The following OR8G1 variants were observed in gnomAD, a reference collection of about 807,000 sequenced individuals.
The protein encoded by OR8G1 is olfactory receptor family 8 subfamily G member 1, also known as olfactory receptor 8G1.
For synonymous variants in OR8G1, 129 were observed against 133.3 expected, an observed-to-expected ratio of 0.97 and a Z score of 0.22; for missense variants, 372 against 356.2, an observed-to-expected ratio of 1.04 and a Z score of -0.36.
chr11:124,249,991 G>A lies in OR8G1; in HGVS notation c.316G>A (p.Val106Ile), dbSNP rs565049711. ...ECMTQLYFFL[V>I]FAIAECHMLA... ...CATGACTCAGCTCTACTTCTTCCTCGTTTTTGCTATTGCAGAGTGTCACAT... is the reference window on the plus strand; with the variant it reads ...CATGACTCAGCTCTACTTCTTCCTCATTTTTGCTATTGCAGAGTGTCACAT... The change falls in exon 3 of 3, where the codon GTT becomes ATT. Residue 106 changes from valine to isoleucine, a missense_variant. Physicochemically the swap from Val to Ile is conservative, Grantham distance 29 (BLOSUM62 3). Coordinates refer to ENST00000641972, the MANE Select transcript of OR8G1 (RefSeq NM_001002905.2). 99 of 1,613,738 alleles carry A rather than the reference G, an allele frequency of 6.1e-5. No homozygotes were observed. The South Asian group carries it at 8.6e-4, about 14-fold the overall frequency.
In OR8G1 at chr11:124,243,608, C is replaced by G. The variant is rs187890733; in HGVS notation, c.-97+2244C>G. On this transcript the variant is annotated intron_variant, in intron 1 of 2. Transcript: ENST00000641972. ...TTGGGTTGTATAAACAATCAATTCA[C>G]GTATTCATTGTATTGGCTATTTCTT... is the stretch of plus-strand genomic sequence containing the variant. 3.5e-4 allele frequency among the ~76,000 whole-genome samples: 53 copies of G among 152,038 alleles called. No individual in the cohort carries two copies. In the East Asian group the frequency reaches 6.2e-3, roughly 18 times the overall value.
chr11:124,248,635 C>T (rs1343856144), intron 2 of OR8G1, among the ~76,000 whole-genome samples: 1 of 151,854 alleles, frequency 6.6e-6, no homozygotes, highest in African/African-American at 2.4e-5. Context: ...AGTAATTTGC[C>T]TGATCATAGT....
At chr11:124,246,159 C>T (rs538899636) in intron 1 of OR8G1, among the ~76,000 whole-genome samples, 67 of 151,608 alleles carry the variant, frequency 4.4e-4, no homozygotes, top group Non-Finnish European at 7.4e-4. Flanking sequence ...GTCTAACATT[C>T]AAGTCTTTAA....
At position 124,252,272 on chromosome 11, in the gene OR8G1, G is replaced by T. The variant is rs1861873249; in HGVS notation, c.*1661G>T. The stretch of plus-strand genomic sequence containing the variant: ...TGTTAATCTATTTCTTCCATGTGGA[G>T]CCAAGTTAAATGATTTCTTTAAGCT... On this transcript the variant is annotated 3_prime_UTR_variant, in exon 3 of 3. Transcript: ENST00000641972. The T allele has an allele frequency of 6.6e-6, 1 of 152,104 alleles. No individual in the cohort carries two copies. 9.4% of individuals were successfully genotyped at this position (152,104 alleles called of 1,614,324 possible).
chr11:124,246,842 T>C (rs2466640), intron 1 of OR8G1, among the ~76,000 whole-genome samples: 76,725 of 147,824 alleles, frequency 0.52, 20,340 homozygotes, highest in South Asian at 0.71. Flanking sequence ...GAAATTACAA[T>C]AGATGTATTT....
rs1861806100 is a variant in OR8G1 at position 124,245,864 on chromosome 11, T to A, written c.-96-1937T>A. 2.0e-5 allele frequency among the ~76,000 whole-genome samples: 3 copies of A among 151,432 alleles called. No individual in the cohort carries two copies. The South Asian group carries it at 6.3e-4, about 32-fold the overall frequency. ...TCACCCACTGTTTGATGGGGTTGTT[T>A]GTTTTTTTCTTGTAAATTTGTTTTG... On this transcript the variant is annotated intron_variant, in intron 1 of 2. Transcript: ENST00000641972.
chr11:124,249,673 G>C lies in OR8G1; in HGVS notation c.-3G>C. On this transcript the variant is annotated 5_prime_UTR_variant, in exon 3 of 3. Transcript: ENST00000641972. ...CTCTTCCTGCAGAAACTGACTGGAG[G>C]AGATGTCAGGAGAAAATAATTCCTC... 6.2e-7 allele frequency: 1 copy of C among 1,611,848 alleles called. No individual in the cohort carries two copies. The highest frequency in any genetic ancestry group is 8.5e-7 in the Non-Finnish European group (1 of 1,178,796).
At chr11:124,241,859 A>G (rs909138786) in intron 1 of OR8G1, among the ~76,000 whole-genome samples, 1 of 152,048 alleles carries the variant, frequency 6.6e-6, no homozygotes, top group African/African-American at 2.4e-5. Flanking sequence ...ACAGGAACTA[A>G]AAGTGAAGAG....
Position 124,250,241 on chromosome 11 carries a change from G to C in OR8G1, c.566G>C (p.Cys189Ser). 1 of 1,613,652 alleles carries C rather than the reference G, an allele frequency of 6.2e-7. No homozygotes were observed. Among genetic ancestry groups the C allele is most frequent in the Non-Finnish European group, 8.5e-7 (1 of 1,179,780 alleles). ...CDLLPLLKLS[C>S]SSIYVNKLLI... ...CTTCTTCCCCTCCTAAAGCTCTCTT[G>C]CTCTAGTATCTATGTCAACAAACTA... The change falls in exon 3 of 3, where the codon TGC becomes TCC. Residue 189 changes from cysteine (C) to serine (S), a missense_variant. By Grantham distance (112) the Cys-to-Ser change is moderately radical (BLOSUM62 -1). Transcript: ENST00000641972.
chr11:124,247,508 A>G (rs1357646332), intron 1 of OR8G1, among the ~76,000 whole-genome samples: 2 of 151,878 alleles, frequency 1.3e-5, no homozygotes, highest in Non-Finnish European at 2.9e-5. Flanking sequence ...AATTCAATCC[A>G]TTACTAAAAA....
In OR8G1 at chr11:124,249,795, G is replaced by A. The variant is rs368654832; in HGVS notation, c.120G>A (p.Val40=). Reference sequence around the variant, plus strand: ...TAGGAATCTATGTGGTCACAGTGGTGGGCAACCTGGGCATGACCACACTGA... The same window carrying A: ...TAGGAATCTATGTGGTCACAGTGGTAGGCAACCTGGGCATGACCACACTGA... ...LFLGIYVVTV[V]GNLGMTTLIW... is the part of the protein sequence containing the mutation. Residue 40 remains valine (V), a synonymous_variant, in exon 3 of 3, where the codon GTG becomes GTA. Transcript: ENST00000641972. 128 of 1,613,778 alleles carry A rather than the reference G, an allele frequency of 7.9e-5. No individual in the cohort carries two copies. Among genetic ancestry groups the A allele is most frequent in the Non-Finnish European group, 9.7e-5 (115 of 1,179,924 alleles).
rs1410864518 is a variant in OR8G1, at chr11:124,252,736, A to T, written c.*2125A>T. The T allele has an allele frequency of 6.6e-6, 1 of 152,202 alleles. No individual in the cohort carries two copies. The highest frequency in any genetic ancestry group is 2.4e-5 in the African/African-American group (1 of 41,460). 9.4% of individuals were successfully genotyped at this position (152,202 alleles called of 1,614,324 possible). ...ATTAGCTGTGTGCAAGCTGAGAGTT[A>T]ACTTGCATTGAAGGTGTTACACTTC... On this transcript the variant is annotated 3_prime_UTR_variant, in exon 3 of 3. Transcript: ENST00000641972.
At chr11:124,248,425 C>G (rs1222064541) in intron 2 of OR8G1, among the ~76,000 whole-genome samples, 2 of 151,416 alleles carry the variant, frequency 1.3e-5, no homozygotes, top group Admixed American at 1.3e-4. Flanking sequence ...TGTATCCTTT[C>G]TAAGAAAGCT....
In OR8G1 at chr11:124,254,332, C is replaced by A. The variant is rs1367067052; in HGVS notation, c.*3721C>A. ...TACCTGTTGACCATTTTTATGTCTT[C>A]TTTTGAGAAATGTCTATTTAGATGC... On this transcript the variant is annotated 3_prime_UTR_variant, in exon 3 of 3. Transcript: ENST00000641972. The A allele has an allele frequency of 6.6e-6, 1 of 151,886 alleles. No homozygotes were observed. Among genetic ancestry groups the A allele is most frequent in the African/African-American group, 2.4e-5 (1 of 41,398 alleles). 9.4% of individuals were successfully genotyped at this position (151,886 alleles called of 1,614,324 possible).
Position 124,250,423 on chromosome 11 carries a change from A to C in OR8G1, c.748A>C (p.Ile250Leu), listed in dbSNP as rs961119095. 1.2e-6 allele frequency: 2 copies of C among 1,613,654 alleles called. No homozygotes were observed. Among genetic ancestry groups the C allele is most frequent in the Non-Finnish European group, 1.7e-6 (2 of 1,179,814 alleles). Residue 250 changes from isoleucine to leucine, a missense_variant, in exon 3 of 3, where the codon ATC becomes CTC. Ile to Leu is a conservative substitution (Grantham distance 5). Transcript: ENST00000641972. ...TCSSHMLAVV[I>L]FFGSAAFMYL... The stretch of plus-strand genomic sequence containing the variant: ...TAGCTCCCACATGTTGGCGGTTGTA[A>C]TCTTTTTTGGATCTGCAGCATTCAT...
chr11:124,245,069 T>C (rs895561601), intron 1 of OR8G1, among the ~76,000 whole-genome samples: 4 of 151,834 alleles, frequency 2.6e-5, no homozygotes, highest in Non-Finnish European at 5.9e-5. Context: ...AATGTGCAGG[T>C]TAGTTACATA....
Position 124,252,435 on chromosome 11 carries a change from C to T in OR8G1, c.*1824C>T, listed in dbSNP as rs2466709. 77,728 of 152,016 alleles carry T rather than the reference C, an allele frequency of 0.51. 20,501 individuals are homozygous for T. Among genetic ancestry groups the T allele is most frequent in the South Asian group, 0.7 (3,371 of 4,824 alleles). The allele number at this position is 152,016 out of a possible 1,614,324, so 9.4% of individuals were successfully genotyped here. On this transcript the variant is annotated 3_prime_UTR_variant, in exon 3 of 3. Coordinates refer to ENST00000641972, the MANE Select transcript of OR8G1 (RefSeq NM_001002905.2). ...AGTTATTTCCTCAGAAAACTCATCT[C>T]TGAAACTCAATCTGCATTACTTTTC... is the stretch of plus-strand genomic sequence containing the variant.
At chr11:124,243,754 G>A (rs1003852265) in intron 1 of OR8G1, among the ~76,000 whole-genome samples, 2 of 151,994 alleles carry the variant, frequency 1.3e-5, no homozygotes, top group Non-Finnish European at 2.9e-5. Flanking sequence ...AGCAGGGAAT[G>A]TGTCATTTTA....
Position 124,249,871 on chromosome 11 carries a change from C to T in OR8G1, c.196C>T (p.Leu66=), listed in dbSNP as rs1861848086. The change falls in exon 3 of 3, where the codon CTG becomes TTG. Residue 66 remains leucine, a synonymous_variant. Transcript: ENST00000641972. ...CCCTATGTACTATTTCCTCAGCAGT[C>T]TGTCCTTCATTGACTTCTGCCATTC... ...HTPMYYFLSS[L]SFIDFCHSTV... The T allele has an allele frequency of 5.6e-6, 9 of 1,613,968 alleles. No individual in the cohort carries two copies. The East Asian group carries it at 2.0e-4, about 36-fold the overall frequency.
Sources: allele counts gnomAD v4.1 joint callset (sites outside exome capture counted in the v4.1 genomes callset), GRCh38; gene constraint gnomAD v4.1.1; transcripts MANE v1.5; gene names NCBI Gene and HGNC (gene_info 2026-07-23, HGNC 2026-07-21).